The following TET1 variants were observed in gnomAD, a reference collection of about 807,000 sequenced individuals.
TET1 encodes the protein tet methylcytosine dioxygenase 1, also known as methylcytosine dioxygenase TET1.
Under a neutral mutation model 148.7 loss-of-function variants are expected in TET1, and 13 were observed. That is an observed-to-expected ratio of 0.09 (90% CI 0.06 to 0.14). The LOEUF is 0.14. TET1 is among the 10% of genes least tolerant of loss of function. The pLI, the probability that TET1 is intolerant of heterozygous loss-of-function variation, is 1.00. For synonymous variants in TET1, 907 were observed against 937.2 expected, an observed-to-expected ratio of 0.97 and a Z score of 0.59; for missense variants, 2,182 against 2,553.8, an observed-to-expected ratio of 0.85 and a Z score of 3.14.
At chr10:68,663,952 T>C (rs569617879) in intron 6 of TET1, among the ~76,000 whole-genome samples, 237 of 152,252 alleles carry the variant, frequency 1.6e-3, no homozygotes, top group Non-Finnish European at 2.8e-3. Context: ...CTCTTGGAAA[T>C]TTAACAGTAT....
chr10:68,607,659 A>G (rs1263912698), intron 3 of TET1, among the ~76,000 whole-genome samples: 1 of 151,522 alleles, frequency 6.6e-6, no homozygotes, highest in East Asian at 1.9e-4. Flanking sequence ...CTGAGCTCAA[A>G]GCAATCCATT....
At chr10:68,684,997 G>A (rs114272153) in intron 10 of TET1, among the ~76,000 whole-genome samples, 2,828 of 152,228 alleles carry the variant, frequency 0.019, 88 homozygotes, top group African/African-American at 0.064. Flanking sequence ...GCTCATGCCT[G>A]TAATCCCAGC....
intron 4 of TET1, among the ~76,000 whole-genome samples, chr10:68,647,758 T>G (rs2054873587): frequency 6.6e-6 from 1 of 152,182 alleles, no homozygotes; most frequent in Non-Finnish European, 1.5e-5. Flanking sequence ...TATGTATAAG[T>G]TAACAGTTAA....
intron 3 of TET1, among the ~76,000 whole-genome samples, chr10:68,628,136 T>C (rs1451306016): frequency 6.6e-6 from 1 of 152,008 alleles, no homozygotes; most frequent in African/African-American, 2.4e-5. Context: ...TTAGTAGAGA[T>C]GGGTTTCGCC....
chr10:68,622,910 T>C (rs1165497658), intron 3 of TET1, among the ~76,000 whole-genome samples: 1 of 152,120 alleles, frequency 6.6e-6, no homozygotes, highest in East Asian at 1.9e-4. Context: ...TACTTCCTCA[T>C]AATTAAATTT....
chr10:68,647,264 T>C (rs552149905), intron 4 of TET1, among the ~76,000 whole-genome samples: 2 of 152,278 alleles, frequency 1.3e-5, no homozygotes, highest in South Asian at 4.1e-4. Flanking sequence ...GGCTGATATA[T>C]CTCTCAATGT....
chr10:68,671,566 G>C (rs147193866), intron 7 of TET1, among the ~76,000 whole-genome samples: 3 of 152,282 alleles, frequency 2.0e-5, no homozygotes, highest in African/African-American at 7.2e-5. Context: ...TATATACCCA[G>C]TAATGGGATT....
chr10:68,626,170 A>T (rs1164237807), intron 3 of TET1, among the ~76,000 whole-genome samples: 1 of 151,130 alleles, frequency 6.6e-6, no homozygotes, highest in Non-Finnish European at 1.5e-5. Context: ...CCTTTTCTGT[A>T]TGGTTGTACT....
At chr10:68,601,188 CTT>C (rs572630973) in intron 3 of TET1, among the ~76,000 whole-genome samples, 154 bp downstream of exon 3, 1 of 151,988 alleles carries the variant, frequency 6.6e-6, no homozygotes, top group Non-Finnish European at 1.5e-5. Flanking sequence ...TTTTCTCTCT[CTT>C]TTTTTTGATG....
At chr10:68,677,902 G>A (rs1462285221) in intron 8 of TET1, among the ~76,000 whole-genome samples, 2 of 152,212 alleles carry the variant, frequency 1.3e-5, no homozygotes, top group African/African-American at 2.4e-5. Flanking sequence ...TTACAGGCAT[G>A]AGCCACAATT....
At chr10:68,677,124 A>T (rs2055372601) in intron 8 of TET1, among the ~76,000 whole-genome samples, 1 of 152,254 alleles carries the variant, frequency 6.6e-6, no homozygotes, top group Non-Finnish European at 1.5e-5. Flanking sequence ...CAAAAATAAC[A>T]TCTGCTTATT....
At chr10:68,598,838 C>T (rs941312517) in intron 2 of TET1, among the ~76,000 whole-genome samples, 4 of 151,748 alleles carry the variant, frequency 2.6e-5, no homozygotes, top group Non-Finnish European at 4.4e-5. Context: ...TTACAGGCAC[C>T]CACCATCATG....
chr10:68,646,010 A>G lies in TET1; in HGVS notation c.3281A>G (p.Lys1094Arg). 1 of 1,614,116 alleles carries G rather than the reference A, an allele frequency of 6.2e-7. No homozygotes were observed. Among genetic ancestry groups the G allele is most frequent in the Middle Eastern group, 1.6e-4 (1 of 6,062 alleles). ...LASIIKINYI[K>R]PEDKKVESTP... ...TCGATAATTAAGATCAATTATATAA[A>G]ACCAGAGGACAAAAAAGTTGAAAGT... The change falls in exon 4 of 12, where the codon AAA becomes AGA. Residue 1094 changes from lysine (K) to arginine (R), a missense_variant. This residue lies in a region of TET1 where 582 missense variants were observed against 599.5 expected (regional missense o/e 0.97). Transcript: ENST00000373644.
intron 2 of TET1, among the ~76,000 whole-genome samples, chr10:68,597,728 G>A (rs963547273): frequency 5.9e-5 from 9 of 152,266 alleles, no homozygotes; most frequent in African/African-American, 2.2e-4. Context: ...AAAACAAAAT[G>A]TGTTATGTAC....
intron 3 of TET1, among the ~76,000 whole-genome samples, chr10:68,618,634 G>A (rs993386535): frequency 5.3e-5 from 8 of 152,186 alleles, no homozygotes; most frequent in African/African-American, 1.9e-4. Flanking sequence ...AGCAGAAAAT[G>A]CCCTTCAGGT....
intron 6 of TET1, among the ~76,000 whole-genome samples, chr10:68,658,784 C>T (rs374109628): frequency 6.6e-6 from 1 of 152,134 alleles, no homozygotes; most frequent in Non-Finnish European, 1.5e-5. Context: ...AGGAGAATCA[C>T]TTGAACCTAG....
intron 6 of TET1, among the ~76,000 whole-genome samples, chr10:68,659,464 G>A (rs1278500974): frequency 5.9e-5 from 9 of 152,068 alleles, no homozygotes; most frequent in East Asian, 5.8e-4. Flanking sequence ...GATTACAGGC[G>A]TGTGCCACCA....
intron 3 of TET1, among the ~76,000 whole-genome samples, chr10:68,628,108 A>G (rs914680122): frequency 2.6e-5 from 4 of 151,984 alleles, no homozygotes; most frequent in African/African-American, 2.4e-5. Flanking sequence ...CAACACGCCC[A>G]GCTAATTTTT....
intron 6 of TET1, among the ~76,000 whole-genome samples, chr10:68,658,853 A>T (rs370653817): frequency 3.3e-4 from 50 of 152,176 alleles, no homozygotes; most frequent in African/African-American, 1.2e-3. Context: ...GGGTGATAGC[A>T]TGAGACCCTG....
Sources: allele counts gnomAD v4.1 joint callset (sites outside exome capture counted in the v4.1 genomes callset), GRCh38; gene constraint gnomAD v4.1.1; regional missense constraint gnomAD v4.1.1; transcripts MANE v1.5; gene names NCBI Gene and HGNC (gene_info 2026-07-23, HGNC 2026-07-21).